ACVR1C: variants seen among roughly 807,000 people sequenced by gnomAD.
ACVR1C encodes the protein activin A receptor type 1C, also known as activin receptor type-1C.
Under a neutral mutation model 57.9 loss-of-function variants are expected in ACVR1C, and 23 were observed. The ratio of observed to expected loss-of-function variants is 0.40; its 90% confidence interval spans 0.29 to 0.56. The LOEUF is 0.56. Among genes scored for constraint, ACVR1C ranks in the 20% least tolerant of loss-of-function variants. The pLI is 0.50. For missense variants in ACVR1C, 480 were observed against 607.9 expected (o/e 0.79, Z 2.21); for synonymous variants, 214 against 215.3 (o/e 0.99, Z 0.05).
intron 2 of ACVR1C, among the ~76,000 whole-genome samples, chr2:157,584,611 T>C (rs1386408538): frequency 4.6e-5 from 7 of 152,344 alleles, no homozygotes; most frequent in African/African-American, 1.4e-4. Flanking sequence ...CAAGAATATG[T>C]ACTAACTGAA....
At chr2:157,557,468 TG>T (rs947309968) in intron 2 of ACVR1C, among the ~76,000 whole-genome samples, 10 of 152,102 alleles carry the variant, frequency 6.6e-5, no homozygotes, top group African/African-American at 2.4e-4. Context: ...TTGTCCTGCT[TG>T]ATTTTAATTC....
rs550621302 is a variant in ACVR1C, at chr2:157,582,004, C to T, written c.304+5183G>A. 3.9e-5 allele frequency among the ~76,000 whole-genome samples: 6 copies of T among 152,206 alleles called. No individual in the cohort carries two copies. The South Asian group carries it at 6.2e-4, about 16-fold the overall frequency. ...TCATCCAGTGCTCAGCCTGAAAGTC[C>T]GCAACTTTTTCAAATAAAAAGGTTT... On this transcript the variant is annotated intron_variant, in intron 2 of 8. Coordinates refer to ENST00000243349, the MANE Select transcript of ACVR1C (RefSeq NM_145259.3).
chr2:157,534,359 A>C (rs576366263), intron 8 of ACVR1C, among the ~76,000 whole-genome samples: 1 of 152,292 alleles, frequency 6.6e-6, no homozygotes, highest in East Asian at 1.9e-4. Flanking sequence ...ATTTAAAACA[A>C]TATAAGAAGA....
intron 2 of ACVR1C, among the ~76,000 whole-genome samples, chr2:157,581,960 G>C (rs1483045873): frequency 6.6e-6 from 1 of 152,184 alleles, no homozygotes; most frequent in Non-Finnish European, 1.5e-5. Flanking sequence ...AAACAGTGGA[G>C]TTGTTGGCAC....
chr2:157,540,364 ATTTT>A (rs5835671), intron 7 of ACVR1C, among the ~76,000 whole-genome samples: 90 of 143,598 alleles, frequency 6.3e-4, no homozygotes, highest in African/African-American at 2.2e-3. Context: ...TATTAAGTAC[ATTTT>A]TTTTTTTTTG....
At chr2:157,607,710 T>A (rs1408802400) in intron 1 of ACVR1C, among the ~76,000 whole-genome samples, 2 of 151,752 alleles carry the variant, frequency 1.3e-5, no homozygotes, top group Non-Finnish European at 3.0e-5. Flanking sequence ...TCCTATGTAT[T>A]TTTGTAGCTA....
chr2:157,609,678 C>T (rs1682488364), intron 1 of ACVR1C, among the ~76,000 whole-genome samples: 1 of 152,004 alleles, frequency 6.6e-6, no homozygotes, highest in African/African-American at 2.4e-5. Context: ...TATCTGCTTG[C>T]TGGATTTATC....
At chr2:157,573,480 C>T (rs1688572351) in intron 2 of ACVR1C, among the ~76,000 whole-genome samples, 1 of 151,732 alleles carries the variant, frequency 6.6e-6, no homozygotes, top group Admixed American at 6.6e-5. Context: ...ACTACACTTA[C>T]CCTTTTAAGC....
chr2:157,534,139 GC>G lies in ACVR1C; in HGVS notation c.1357-97del. ...CCATAAATCCAGGAATTGATGCTAA[GC>G]TTTTTTTTTTTTTTTAAGAGATGGG... On this transcript the variant is annotated intron_variant, in intron 8 of 8. Transcript: ENST00000243349. 3 of 1,081,668 alleles carry G rather than the reference GC, an allele frequency of 2.8e-6. No individual in the cohort carries two copies. The East Asian group carries it at 9.8e-5, about 35-fold the overall frequency. 67.0% of individuals were successfully genotyped at this position (1,081,668 alleles called of 1,614,324 possible). A position where few individuals can be genotyped will look rare whatever the true frequency, so the allele number is the denominator to read the frequency against.
At chr2:157,548,626 A>G (rs867068359) in intron 4 of ACVR1C, among the ~76,000 whole-genome samples, 22 of 151,662 alleles carry the variant, frequency 1.5e-4, no homozygotes, top group Middle Eastern at 6.8e-3. Flanking sequence ...ATAACGCCAC[A>G]TATCTACAAC....
In ACVR1C at chr2:157,529,102, C is replaced by T. The variant is rs1205334218; in HGVS notation, c.*4816G>A. On this transcript the variant is annotated 3_prime_UTR_variant, in exon 9 of 9. Coordinates refer to ENST00000243349, the MANE Select transcript of ACVR1C (RefSeq NM_145259.3). ...GAAAGAGAGAAAAGTTAGATAATAT[C>T]CCACTGGACATAGTCCCAAATTCAG... 5.3e-5 allele frequency: 8 copies of T among 152,150 alleles called. No homozygotes were observed. The East Asian group carries it at 1.5e-3, about 29-fold the overall frequency. The allele number at this position is 152,150 out of a possible 1,614,324, so 9.4% of individuals were successfully genotyped here.
chr2:157,577,867 G>GT (rs887651074), intron 2 of ACVR1C, among the ~76,000 whole-genome samples: 36 of 151,486 alleles, frequency 2.4e-4, no homozygotes, highest in African/African-American at 7.7e-4. Context: ...TTTTGTTTTT[G>GT]TTTTTTTGTT....
In ACVR1C at chr2:157,615,831, C is replaced by T. The variant is rs1191206479; in HGVS notation, c.73+12741G>A. On this transcript the variant is annotated intron_variant, in intron 1 of 8. Transcript: ENST00000243349. ...AAAAAATAAAGTCCCTTCATTGGTTCGTGTTTTGCAGTTTCTGCTAAGAAG... is the reference window on the plus strand; with the variant it reads ...AAAAAATAAAGTCCCTTCATTGGTTTGTGTTTTGCAGTTTCTGCTAAGAAG... 8.5e-5 allele frequency among the ~76,000 whole-genome samples: 13 copies of T among 152,234 alleles called. No individual in the cohort carries two copies. The South Asian group carries it at 2.1e-3, about 24-fold the overall frequency.
chr2:157,595,959 C>T (rs996500756), intron 1 of ACVR1C, among the ~76,000 whole-genome samples: 6 of 152,224 alleles, frequency 3.9e-5, no homozygotes, highest in Admixed American at 3.3e-4. Flanking sequence ...ATCTGTAATT[C>T]GCTTTTTAAT....
At chr2:157,596,718 T>G (rs1429294409) in intron 1 of ACVR1C, among the ~76,000 whole-genome samples, 1 of 152,206 alleles carries the variant, frequency 6.6e-6, no homozygotes, top group East Asian at 1.9e-4. Context: ...AATATACAAA[T>G]CTCCTTGACA....
chr2:157,602,723 A>C (rs1440058249), intron 1 of ACVR1C, among the ~76,000 whole-genome samples: 2 of 152,192 alleles, frequency 1.3e-5, no homozygotes, highest in African/African-American at 4.8e-5. Flanking sequence ...AAAGTAAAAT[A>C]ATTAAACATA....
At chr2:157,557,455 C>A (rs547205570) in intron 2 of ACVR1C, among the ~76,000 whole-genome samples, 2 of 152,176 alleles carry the variant, frequency 1.3e-5, no homozygotes, top group East Asian at 1.9e-4. Flanking sequence ...ACTCTCAAGA[C>A]CCTTGTCCTG....
chr2:157,584,178 A>G (rs1299982267), intron 2 of ACVR1C, among the ~76,000 whole-genome samples: 1 of 151,736 alleles, frequency 6.6e-6, no homozygotes, highest in Non-Finnish European at 1.5e-5. Context: ...GAAGATAAAA[A>G]AAAAAAACCC....
intron 2 of ACVR1C, among the ~76,000 whole-genome samples, chr2:157,559,326 C>T (rs1221621835): frequency 6.6e-6 from 1 of 152,138 alleles, no homozygotes; most frequent in Middle Eastern, 3.2e-3. Flanking sequence ...TCAGTAAGAA[C>T]TCCTTAAACA....
Sources: gnomAD v4.1 joint callset for allele counts (sites outside exome capture counted in the v4.1 genomes callset) on GRCh38, gnomAD v4.1.1 for gene constraint, MANE v1.5 for transcripts, NCBI Gene and HGNC (gene_info 2026-07-23, HGNC 2026-07-21) for gene names.